GSAP: variants seen among roughly 807,000 people sequenced by gnomAD.
GSAP encodes gamma-secretase activating protein, also known as gamma-secretase-activating protein.
GSAP carries 118 observed loss-of-function variants against 131.7 expected under a neutral mutation model. That is an observed-to-expected ratio of 0.90 (90% CI 0.77 to 1.04). The LOEUF (loss-of-function observed/expected upper bound fraction) is 1.04. Among genes scored for constraint, GSAP ranks in the 50% least tolerant of loss-of-function variants. The pLI is 0.00. For missense variants in GSAP, 1,019 were observed against 1,013.2 expected (o/e 1.01, Z -0.08); for synonymous variants, 381 against 363.4 (o/e 1.05, Z -0.55).
At chr7:77,403,393 A>G (rs1458480386) in intron 3 of GSAP, among the ~76,000 whole-genome samples, 1 of 152,228 alleles carries the variant, frequency 6.6e-6, no homozygotes, top group Non-Finnish European at 1.5e-5. Flanking sequence ...TGGAACCCTG[A>G]AGAGTAAGGT....
intron 1 of GSAP, among the ~76,000 whole-genome samples, chr7:77,415,003 G>A (rs749218355): frequency 6.6e-6 from 1 of 151,858 alleles, no homozygotes; most frequent in African/African-American, 2.4e-5. Context: ...GATTACAGGA[G>A]CGTGTCACCA....
rs778857656 is a variant in GSAP at position 77,330,323 on chromosome 7, T to A, written c.1590A>T (p.Leu530=). The A allele has an allele frequency of 1.2e-6, 2 of 1,613,814 alleles. No individual in the cohort carries two copies. The highest frequency in any genetic ancestry group is 2.7e-5 in the African/African-American group (2 of 74,916). The change falls in exon 20 of 31, where the codon CTA becomes CTT. Residue 530 remains leucine (L), a synonymous_variant. Coordinates refer to ENST00000257626, the MANE Select transcript of GSAP (RefSeq NM_017439.4). ...KGYWEKLNSN[L]EYVKYAKPHF... ...GTGGCTTGGCGTACTTAACATATTC[T>A]AGGTTGGAGTTCAGTTTTTCCCAGT... is the stretch of plus-strand genomic sequence containing the variant.
At position 77,363,486 on chromosome 7, in the gene GSAP, A is replaced by G. The variant is rs1288153539; in HGVS notation, c.872-826T>C. 2.6e-5 allele frequency among the ~76,000 whole-genome samples: 4 copies of G among 152,364 alleles called. No homozygotes were observed. In the East Asian group the frequency reaches 7.7e-4, roughly 29 times the overall value. On this transcript the variant is annotated intron_variant, in intron 12 of 30. Coordinates refer to ENST00000257626, the MANE Select transcript of GSAP (RefSeq NM_017439.4). ...CAAGGAGTCAGGAAACCTGAGTTCT[A>G]GCCCCAGAGCTAACGTTAACTAGCT...
chr7:77,370,461 A>G (rs1795957477), intron 12 of GSAP, among the ~76,000 whole-genome samples: 1 of 152,120 alleles, frequency 6.6e-6, no homozygotes, highest in Admixed American at 6.6e-5. Flanking sequence ...GCAGGACTCC[A>G]TCTCATTCAT....
At chr7:77,331,121 G>A (rs1789085545) in intron 19 of GSAP, among the ~76,000 whole-genome samples, 1 of 152,078 alleles carries the variant, frequency 6.6e-6, no homozygotes. Flanking sequence ...AGACCACGGT[G>A]AAACCCCGTC....
At chr7:77,329,606 C>T (rs1032903863) in intron 20 of GSAP, 2 of 323,764 alleles carry the variant, frequency 6.2e-6, no homozygotes, top group East Asian at 1.1e-4. Flanking sequence ...CTATATACTA[C>T]ACACAACAAC....
At chr7:77,364,472 T>C (rs530120704) in intron 12 of GSAP, among the ~76,000 whole-genome samples, 137 of 128,568 alleles carry the variant, frequency 1.1e-3, no homozygotes, top group African/African-American at 4.0e-3. Context: ...AACTGAACAA[T>C]GAGAACACAT....
At chr7:77,321,123 A>T (rs1300547823) in intron 25 of GSAP, among the ~76,000 whole-genome samples, 2 of 152,176 alleles carry the variant, frequency 1.3e-5, no homozygotes, top group Non-Finnish European at 2.9e-5. Context: ...AGTAACGGGC[A>T]TAACTTTGTT....
chr7:77,359,306 A>G (rs904646580), intron 14 of GSAP, among the ~76,000 whole-genome samples: 2 of 152,216 alleles, frequency 1.3e-5, no homozygotes, highest in Admixed American at 6.5e-5. Flanking sequence ...CATTATCTGT[A>G]AAATGGAGAT....
chr7:77,350,278 TG>T (rs1375087430), intron 18 of GSAP, among the ~76,000 whole-genome samples: 1 of 37,952 alleles, frequency 2.6e-5, no homozygotes, highest in African/African-American at 1.3e-4. Context: ...TGTTGTGGGG[TG>T]GGGGGAGGGG....
chr7:77,367,836 T>C (rs1795542569), intron 12 of GSAP, among the ~76,000 whole-genome samples: 1 of 152,136 alleles, frequency 6.6e-6, no homozygotes, highest in Admixed American at 6.5e-5. Flanking sequence ...GATCCTGAGC[T>C]TTTTTCGGTT....
chr7:77,415,872 G>A, intron 1 of GSAP: 2 of 238,486 alleles, frequency 8.4e-6, no homozygotes. Flanking sequence ...GGATGCGGCC[G>A]CTGAGCTGAG....
At chr7:77,348,193 T>C (rs116835653) in intron 19 of GSAP, among the ~76,000 whole-genome samples, 211 of 151,844 alleles carry the variant, frequency 1.4e-3, no homozygotes, top group African/African-American at 4.9e-3. Context: ...TAAAAACACA[T>C]TATGGATTTG....
chr7:77,330,844 A>G (rs1226035743), intron 19 of GSAP: 5 of 982,894 alleles, frequency 5.1e-6, no homozygotes, highest in Non-Finnish European at 6.0e-6. Flanking sequence ...GACATTTTTC[A>G]AAACCTAGGA....
At chr7:77,359,154 T>C (rs974888980) in intron 14 of GSAP, among the ~76,000 whole-genome samples, 1 of 151,900 alleles carries the variant, frequency 6.6e-6, no homozygotes, top group African/African-American at 2.4e-5. Context: ...TGAGCTGAAA[T>C]TGCACCACTG....
At chr7:77,412,776 CAAAAAAAAA>C (rs34619648) in intron 1 of GSAP, among the ~76,000 whole-genome samples, 2 of 110,714 alleles carry the variant, frequency 1.8e-5, no homozygotes, top group African/African-American at 3.5e-5. Context: ...ACCAGTTTGA[CAAAAAAAAA>C]AAAAAAAAAA....
chr7:77,404,634 A>C lies in GSAP; in HGVS notation c.187-19T>G. ...TATCATCCTAAAAAAAATTAACCAG[A>C]TGTTTATTAAATGTCATTGTTTAGG... On this transcript the variant is annotated intron_variant, in intron 2 of 30. Transcript: ENST00000257626. 7.4e-7 allele frequency: 1 copy of C among 1,353,348 alleles called. No homozygotes were observed. Among genetic ancestry groups the C allele is most frequent in the Non-Finnish European group, 1.1e-6 (1 of 948,584 alleles). 83.8% of individuals were successfully genotyped at this position (1,353,348 alleles called of 1,614,324 possible).
At chr7:77,340,801 T>C (rs1247822230) in intron 19 of GSAP, among the ~76,000 whole-genome samples, 1 of 151,968 alleles carries the variant, frequency 6.6e-6, no homozygotes, top group Non-Finnish European at 1.5e-5. Context: ...GGCAAGTCAA[T>C]TGCGGGGATG....
intron 1 of GSAP, among the ~76,000 whole-genome samples, chr7:77,409,665 T>G (rs771480575): frequency 2.0e-5 from 3 of 152,250 alleles, no homozygotes; most frequent in African/African-American, 4.8e-5. Context: ...GTCAATATTT[T>G]GAGAAGTATT....
Sources: gnomAD v4.1 joint callset for allele counts (sites outside exome capture counted in the v4.1 genomes callset) on GRCh38, gnomAD v4.1.1 for gene constraint, MANE v1.5 for transcripts, NCBI Gene and HGNC (gene_info 2026-07-23, HGNC 2026-07-21) for gene names.